The following KIF1B variants were observed in gnomAD, a reference collection of about 807,000 sequenced individuals.
KIF1B encodes the protein kinesin family member 1B.
KIF1B carries 76 observed loss-of-function variants against 241.9 expected under a neutral mutation model. That is an observed-to-expected ratio of 0.31 (90% CI 0.26 to 0.38). The LOEUF (loss-of-function observed/expected upper bound fraction) is 0.38. KIF1B is among the 10% of genes least tolerant of loss of function. The pLI is 1.00. For synonymous variants in KIF1B, 750 were observed against 796.7 expected (o/e 0.94, Z 0.99); for missense variants, 1,622 against 2,271.4 (o/e 0.71, Z 5.81).
chr1:10,267,372 G>C lies in KIF1B; in HGVS notation c.430-8G>C. On this transcript the variant is annotated splice_polypyrimidine_tract_variant and splice_region_variant and intron_variant, in intron 5 of 48. Transcript: ENST00000676179. ...TCACTCTAATTCACTTTACTAATTT[G>C]TTCATAGGTGAGCTACATGGAAATT... is the stretch of plus-strand genomic sequence containing the variant. The C allele has an allele frequency of 6.2e-7, 1 of 1,613,466 alleles. No homozygotes were observed. Among genetic ancestry groups the C allele is most frequent in the Non-Finnish European group, 8.5e-7 (1 of 1,179,424 alleles).
At chr1:10,286,045 G>GTT (rs1161155017) in intron 15 of KIF1B, among the ~76,000 whole-genome samples, 1 of 144,858 alleles carries the variant, frequency 6.9e-6, no homozygotes. Flanking sequence ...TTGTAAAGAT[G>GTT]TTTTTTTTTT....
At position 10,323,905 on chromosome 1, in the gene KIF1B, C is replaced by T; in HGVS notation, c.2380C>T (p.Leu794=). Residue 794 remains leucine (L), a synonymous_variant, in exon 25 of 49, where the codon CTG becomes TTG. Transcript: ENST00000676179. ...KKKVQFQFVL[L]TDTLYSPLPP... Reference sequence around the variant, plus strand: ...TCAGGTGCAGTTTCAGTTTGTTCTGCTGACTGACACACTGTACTCCCCTTT... The same window carrying T: ...TCAGGTGCAGTTTCAGTTTGTTCTGTTGACTGACACACTGTACTCCCCTTT... 2 of 1,614,018 alleles carry T rather than the reference C, an allele frequency of 1.2e-6. No homozygotes were observed. Among genetic ancestry groups the T allele is most frequent in the Non-Finnish European group, 1.7e-6 (2 of 1,179,918 alleles).
intron 22 of KIF1B, chr1:10,304,462 A>G: frequency 6.2e-7 from 1 of 1,611,072 alleles, no homozygotes; most frequent in Non-Finnish European, 8.5e-7. Flanking sequence ...AAAGCGCCAT[A>G]TTCATCAACA....
At chr1:10,276,166 AGAGT>A (rs1021340115) in intron 11 of KIF1B, among the ~76,000 whole-genome samples, 151 bp from the exon 12 acceptor site, 1 of 151,968 alleles carries the variant, frequency 6.6e-6, no homozygotes, top group African/African-American at 2.4e-5. Flanking sequence ...CCTGGGTGAA[AGAGT>A]GAGACTCCCT....
chr1:10,235,737 C>A (rs1332749938), intron 2 of KIF1B, among the ~76,000 whole-genome samples: 1 of 151,852 alleles, frequency 6.6e-6, no homozygotes, highest in Non-Finnish European at 1.5e-5. Flanking sequence ...TGGAGTGTGC[C>A]TGTAATCTCA....
chr1:10,352,601 G>C, intron 37 of KIF1B, 30 bp from the exon 38 acceptor site: 1 of 1,551,538 alleles, frequency 6.4e-7, no homozygotes, highest in South Asian at 1.1e-5. Flanking sequence ...AAATGTGTCC[G>C]TGCTCTGTTT....
At position 10,337,951 on chromosome 1, in the gene KIF1B, A is replaced by C. The variant is rs1652243729; in HGVS notation, c.3422+418A>C. On this transcript the variant is annotated intron_variant, in intron 31 of 48. Coordinates refer to ENST00000676179, the MANE Select transcript of KIF1B (RefSeq NM_001365951.3). This position sits in a 1 kb window ranked among gnomAD's most constrained non-coding sequence, Gnocchi z 4.0. ...AAGGAAAATTTAAACAATGTAAAGAAGGATAAATTCTACATCAACTGAAAA... is the reference window on the plus strand; with the variant it reads ...AAGGAAAATTTAAACAATGTAAAGACGGATAAATTCTACATCAACTGAAAA... 6.6e-6 allele frequency among the ~76,000 whole-genome samples: 1 copy of C among 152,226 alleles called. No individual in the cohort carries two copies. The highest frequency in any genetic ancestry group is 2.1e-4 in the South Asian group (1 of 4,828).
At chr1:10,367,367 A>T (rs1006950808) in intron 43 of KIF1B, among the ~76,000 whole-genome samples, 14 of 151,566 alleles carry the variant, frequency 9.2e-5, no homozygotes, top group Non-Finnish European at 1.5e-4. Context: ...AAGTGCTAGG[A>T]TTACAGGTGT....
chr1:10,375,573 C>T (rs1208927747), intron 48 of KIF1B, among the ~76,000 whole-genome samples, 200 bp downstream of exon 48: 10 of 152,004 alleles, frequency 6.6e-5, no homozygotes, highest in East Asian at 1.9e-4. Context: ...TTTGTAGAGA[C>T]GGGGTTTTAC....
chr1:10,360,311 C>T (rs2102343886), intron 38 of KIF1B, among the ~76,000 whole-genome samples: 1 of 152,212 alleles, frequency 6.6e-6, no homozygotes, highest in East Asian at 1.9e-4. Flanking sequence ...CTCACTTATC[C>T]ATTTCATCTT....
intron 22 of KIF1B, chr1:10,305,945 A>C: frequency 9.5e-7 from 1 of 1,054,504 alleles, no homozygotes. Context: ...GAAATCATCT[A>C]TCAAACACTT....
chr1:10,253,050 T>TACTGAATATTGAGAGTTTAAA (rs1647557329), intron 2 of KIF1B, among the ~76,000 whole-genome samples: 3 of 152,120 alleles, frequency 2.0e-5, no homozygotes, highest in Admixed American at 6.5e-5. Flanking sequence ...AAACAATGCC[T>TACTGAATATTGAGAGTTTAAA]ACAGTGTGAT....
intron 31 of KIF1B, among the ~76,000 whole-genome samples, chr1:10,338,894 G>A (rs1344711639): frequency 1.3e-5 from 2 of 152,208 alleles, no homozygotes; most frequent in Non-Finnish European, 1.5e-5. Context: ...GTTCTCAGAC[G>A]GGTGAACTAA....
intron 2 of KIF1B, among the ~76,000 whole-genome samples, chr1:10,254,843 C>T (rs1380381827): frequency 3.7e-5 from 5 of 135,498 alleles, no homozygotes; most frequent in African/African-American, 1.1e-4. Flanking sequence ...TGCCACTCCC[C>T]TTCAGCTAGG....
Position 10,380,171 on chromosome 1 carries a change from GT to G in KIF1B, c.*3585del. The G allele has an allele frequency of 4.6e-6, 1 of 219,478 alleles. No individual in the cohort carries two copies. Among genetic ancestry groups the G allele is most frequent in the Non-Finnish European group, 9.2e-6 (1 of 109,144 alleles). 13.6% of individuals were successfully genotyped at this position (219,478 alleles called of 1,614,324 possible). A position where few individuals can be genotyped will look rare whatever the true frequency, so the allele number is the denominator to read the frequency against. The stretch of plus-strand genomic sequence containing the variant: ...AAGACTTTGTTGCCTGCTGCTTATT[GT>G]CTAATTTACAGGGATATTTAATTTT... On this transcript the variant is annotated 3_prime_UTR_variant, in exon 49 of 49. Coordinates refer to ENST00000676179, the MANE Select transcript of KIF1B (RefSeq NM_001365951.3).
rs190567882 is a variant in KIF1B at position 10,374,193 on chromosome 1, C to G, written c.4947-123C>G. ...CTCCTCAGCTGAGCTCTCTGCAACT[C>G]AAGTTTGCAGCTGGGGTTTAGGGAG... On this transcript the variant is annotated intron_variant, in intron 45 of 48. Transcript: ENST00000676179. This position sits in a 1 kb window ranked among gnomAD's most constrained non-coding sequence, Gnocchi z 4.3. The G allele has an allele frequency of 9.7e-7, 1 of 1,033,552 alleles. No homozygotes were observed. Among genetic ancestry groups the G allele is most frequent in the South Asian group, 1.3e-5 (1 of 77,410 alleles). The allele number at this position is 1,033,552 out of a possible 1,614,324, so 64.0% of individuals were successfully genotyped here. A position where few individuals can be genotyped will look rare whatever the true frequency, so the allele number is the denominator to read the frequency against.
chr1:10,376,834 AACACACACACACACAC>A lies in KIF1B; in HGVS notation c.*265_*280del, dbSNP rs111663673. On this transcript the variant is annotated 3_prime_UTR_variant, in exon 49 of 49. Transcript: ENST00000676179. ...CTAACAAAAGGAAAAAATGTTTTTA[AACACACACACACACAC>A]ACACACACACACACACATACACAGA... The A allele has an allele frequency of 9.6e-4, 423 of 442,606 alleles. 1 individual carries two copies. Among genetic ancestry groups the A allele is most frequent in the African/African-American group, 7.9e-3 (388 of 48,924 alleles). 27.4% of individuals were successfully genotyped at this position (442,606 alleles called of 1,614,324 possible). A position where few individuals can be genotyped will look rare whatever the true frequency, so the allele number is the denominator to read the frequency against.
intron 38 of KIF1B, 117 bp downstream of exon 38, chr1:10,352,853 CCCTTCTA>C (rs1652847814): frequency 1.4e-6 from 1 of 728,408 alleles, no homozygotes; most frequent in Non-Finnish European, 2.5e-6. Context: ...ACTCCCTTCT[CCCTTCTA>C]GCTTCAAAAA....
At chr1:10,356,289 C>T (rs554288987) in intron 38 of KIF1B, among the ~76,000 whole-genome samples, 8 of 151,914 alleles carry the variant, frequency 5.3e-5, no homozygotes, top group East Asian at 3.9e-4. Flanking sequence ...CGCTTGAACC[C>T]GGGAGGCGGA....
Sources: gnomAD v4.1 joint callset for allele counts (sites outside exome capture counted in the v4.1 genomes callset) on GRCh38, gnomAD v4.1.1 for gene constraint, Gnocchi (gnomAD v3.1) non-coding constraint, MANE v1.5 for transcripts, NCBI Gene and HGNC (gene_info 2026-07-23, HGNC 2026-07-21) for gene names.